The following MEI4 variants were observed in gnomAD, a reference collection of about 807,000 sequenced individuals.
MEI4 encodes meiosis-specific protein MEI4.
Under a neutral mutation model 31.4 loss-of-function variants are expected in MEI4, and 27 were observed. The ratio of observed to expected loss-of-function variants is 0.86; its 90% CI spans 0.63 to 1.19. MEI4 has a LOEUF of 1.19. MEI4 is among the 50% of genes most tolerant of loss of function. MEI4 has a pLI of 0.00. For synonymous variants in MEI4, 122 were observed against 145.4 expected (o/e 0.84, Z 1.16); for missense variants, 329 against 398.9 (o/e 0.82, Z 1.49).
chr6:77,710,143 G>A (rs1766425288), intron 2 of MEI4, among the ~76,000 whole-genome samples: 1 of 152,210 alleles, frequency 6.6e-6, no homozygotes, highest in African/African-American at 2.4e-5. Flanking sequence ...AGCAAACTTA[G>A]TTGTTCATTT....
Position 77,926,570 on chromosome 6 carries a change from G to A in MEI4, c.*3224G>A, listed in dbSNP as rs1192833861. On this transcript the variant is annotated 3_prime_UTR_variant, in exon 5 of 5. Transcript: ENST00000684080. ...GCCAAGGTCAGCATATTTCAAGAGA[G>A]GCAGGGAAACAAGGCATTTGCATTT... 1 of 151,910 alleles carries A rather than the reference G, an allele frequency of 6.6e-6. No homozygotes were observed. The highest frequency in any genetic ancestry group is 2.4e-5 in the African/African-American group (1 of 41,382). 9.4% of individuals were successfully genotyped at this position (151,910 alleles called of 1,614,324 possible).
chr6:77,879,502 GC>G (rs1771427392), intron 4 of MEI4, among the ~76,000 whole-genome samples: 1 of 152,090 alleles, frequency 6.6e-6, no homozygotes, highest in Non-Finnish European at 1.5e-5. Context: ...GTGAGACTAT[GC>G]AAAATACTGA....
intron 4 of MEI4, among the ~76,000 whole-genome samples, chr6:77,857,054 T>A (rs1390100039): frequency 6.6e-6 from 1 of 152,212 alleles, no homozygotes; most frequent in East Asian, 1.9e-4. Flanking sequence ...AAATTTTTCT[T>A]TCTAGAATCC....
chr6:77,666,182 G>T (rs1461508269), intron 1 of MEI4, among the ~76,000 whole-genome samples: 1 of 152,076 alleles, frequency 6.6e-6, no homozygotes, highest in Non-Finnish European at 1.5e-5. Flanking sequence ...TTGCGGGCAG[G>T]GGGTGGGTCT....
At chr6:77,872,448 C>A (rs1027833513) in intron 4 of MEI4, among the ~76,000 whole-genome samples, 1 of 151,940 alleles carries the variant, frequency 6.6e-6, no homozygotes, top group Non-Finnish European at 1.5e-5. Flanking sequence ...TTAACAAAAC[C>A]CAGCCTCTAA....
intron 1 of MEI4, among the ~76,000 whole-genome samples, chr6:77,671,984 C>T (rs977398457): frequency 6.6e-6 from 1 of 151,546 alleles, no homozygotes; most frequent in African/African-American, 2.4e-5. Flanking sequence ...TAGGGAGTGC[C>T]GAATTTCCAG....
intron 3 of MEI4, among the ~76,000 whole-genome samples, chr6:77,795,605 A>AC (rs1262557548): frequency 2.0e-5 from 3 of 152,186 alleles, no homozygotes; most frequent in Non-Finnish European, 4.4e-5. Flanking sequence ...ATTACCAATG[A>AC]CACCACAAAA....
chr6:77,740,621 C>G (rs750269619), intron 2 of MEI4, among the ~76,000 whole-genome samples: 3 of 151,896 alleles, frequency 2.0e-5, no homozygotes, highest in African/African-American at 4.8e-5. Context: ...TTTAAGTAGT[C>G]GAATTTAAGG....
intron 1 of MEI4, among the ~76,000 whole-genome samples, chr6:77,671,654 C>T (rs1027388556): frequency 2.6e-5 from 4 of 151,950 alleles, no homozygotes; most frequent in Admixed American, 1.3e-4. Context: ...ATCTTGATAT[C>T]TGGTTTCTGA....
chr6:77,798,062 A>G (rs758292324), intron 3 of MEI4, among the ~76,000 whole-genome samples: 1 of 152,122 alleles, frequency 6.6e-6, no homozygotes, highest in African/African-American at 2.4e-5. Flanking sequence ...AAACTAGAAT[A>G]AGTTTGCTTT....
intron 1 of MEI4, among the ~76,000 whole-genome samples, chr6:77,659,565 C>G (rs1241367605): frequency 6.6e-6 from 1 of 152,040 alleles, no homozygotes; most frequent in Admixed American, 6.6e-5. Flanking sequence ...CTACGAGCAA[C>G]CTTTCACTGT....
chr6:77,695,329 G>A (rs1300286742), intron 2 of MEI4, among the ~76,000 whole-genome samples: 24 of 151,666 alleles, frequency 1.6e-4, no homozygotes, highest in African/African-American at 5.6e-4. Context: ...TAGACATGAA[G>A]TCCTTGCCCA....
At chr6:77,803,242 C>G (rs1346043232) in intron 3 of MEI4, among the ~76,000 whole-genome samples, 2 of 152,092 alleles carry the variant, frequency 1.3e-5, no homozygotes, top group Non-Finnish European at 2.9e-5. Context: ...TCACTGATAC[C>G]CTTTCTTCCA....
intron 2 of MEI4, among the ~76,000 whole-genome samples, chr6:77,698,222 A>G (rs779135299): frequency 2.6e-5 from 4 of 152,064 alleles, no homozygotes; most frequent in Admixed American, 1.3e-4. Context: ...TCTTTATCCA[A>G]TTTGCCAGTC....
At chr6:77,876,489 C>G (rs751114758) in intron 4 of MEI4, among the ~76,000 whole-genome samples, 20 of 152,090 alleles carry the variant, frequency 1.3e-4, no homozygotes, top group Non-Finnish European at 2.4e-4. Flanking sequence ...GACTTCCCAG[C>G]CTCCAGAATC....
At chr6:77,701,623 CAATATATTTATG>C (rs1766224135) in intron 2 of MEI4, among the ~76,000 whole-genome samples, 2 of 150,990 alleles carry the variant, frequency 1.3e-5, no homozygotes, top group African/African-American at 4.9e-5. Context: ...ATAAATATAA[CAATATATTTATG>C]AATATATTAT....
chr6:77,841,314 CATAT>C (rs1315994932), intron 4 of MEI4, among the ~76,000 whole-genome samples: 1 of 51,898 alleles, frequency 1.9e-5, no homozygotes, highest in Non-Finnish European at 3.0e-5. Context: ...CAAATGTGTG[CATAT>C]ATATATATAT....
intron 3 of MEI4, among the ~76,000 whole-genome samples, chr6:77,801,171 C>T (rs1327683974): frequency 6.6e-6 from 1 of 152,156 alleles, no homozygotes; most frequent in African/African-American, 2.4e-5. Context: ...AATTTCAGAG[C>T]CTGTTTTTGG....
intron 4 of MEI4, among the ~76,000 whole-genome samples, chr6:77,875,635 T>A (rs1357461864): frequency 6.6e-6 from 1 of 152,220 alleles, no homozygotes; most frequent in Admixed American, 6.5e-5. Context: ...TTATCATTAA[T>A]AACAAACACT....
Sources: allele counts gnomAD v4.1 joint callset (sites outside exome capture counted in the v4.1 genomes callset), GRCh38; gene constraint gnomAD v4.1.1; transcripts MANE v1.5; gene names NCBI Gene and HGNC (gene_info 2026-07-23, HGNC 2026-07-21).